Variants in PLG observed in about 807,000 individuals in gnomAD.
The protein encoded by PLG is plasminogen.
In PLG, 41 loss-of-function variants were observed where a neutral mutation model predicts 104.4. That is an observed-to-expected ratio of 0.39 (90% CI 0.31 to 0.51). The LOEUF is 0.51. Among genes scored for constraint, PLG ranks in the 20% least tolerant of loss-of-function variants. The pLI, the probability that PLG is intolerant of heterozygous loss-of-function variation, is 0.76. For missense variants in PLG, 891 were observed against 1,003.6 expected (o/e 0.89, Z 1.52); for synonymous variants, 337 against 357.1 (o/e 0.94, Z 0.63).
At position 160,718,377 on chromosome 6, in the gene PLG, G is replaced by A. The variant is rs564003153; in HGVS notation, c.871G>A (p.Val291Met). Residue 291 changes from valine to methionine, a missense_variant, in exon 8 of 19, where the codon GTG (valine) becomes ATG (methionine). Val to Met is a conservative substitution (Grantham distance 21, BLOSUM62 1). Transcript: ENST00000308192. ...CTATCGCGGGAATGTGGCTGTTACC[G>A]TGTCCGGGCACACCTGTCAGCACTG... is the stretch of plus-strand genomic sequence containing the variant. ...ENYRGNVAVTVSGHTCQHWSA... is the reference protein window; with the variant it reads ...ENYRGNVAVTMSGHTCQHWSA... The A allele has an allele frequency of 1.7e-4, 277 of 1,613,526 alleles. 4 individuals are homozygous for A. The South Asian group carries it at 2.9e-3, about 17-fold the overall frequency.
rs1336032030 is a variant in PLG at position 160,738,159 on chromosome 6, T to C, written c.1803-379T>C. Reference sequence around the variant, plus strand: ...GAAGAGTGATTCATCAGACCTTACATAGATCTTGTCATAAAAATGAAAGAG... The same window carrying C: ...GAAGAGTGATTCATCAGACCTTACACAGATCTTGTCATAAAAATGAAAGAG... On this transcript the variant is annotated intron_variant, in intron 14 of 18. Coordinates refer to ENST00000308192, the MANE Select transcript of PLG (RefSeq NM_000301.5). This position sits in a 1 kb window ranked among gnomAD's most constrained non-coding sequence, Gnocchi z 6.8. Among the ~76,000 whole-genome samples the C allele has an allele frequency of 1.3e-5, 2 of 152,306 alleles. No homozygotes were observed. Among genetic ancestry groups the C allele is most frequent in the South Asian group, 4.1e-4 (2 of 4,822 alleles).
At chr6:160,727,012 C>A (rs1777931010) in intron 10 of PLG, among the ~76,000 whole-genome samples, 1 of 151,742 alleles carries the variant, frequency 6.6e-6, no homozygotes, top group Non-Finnish European at 1.5e-5. Flanking sequence ...TTGAAAGATT[C>A]ATGTAATTGA....
At position 160,720,410 on chromosome 6, in the gene PLG, C is replaced by CTTTTTTTTTTTTTTTTTTTTTTT. The variant is rs3057066; in HGVS notation, c.1096+1577_1096+1599dup. Among the ~76,000 whole-genome samples, 10 of 58,522 alleles carry CTTTTTTTTTTTTTTTTTTTTTTT rather than the reference C, an allele frequency of 1.7e-4. 2 individuals are homozygous for CTTTTTTTTTTTTTTTTTTTTTTT. The highest frequency in any genetic ancestry group is 4.6e-4 in the African/African-American group (6 of 12,916). The allele number at this position is 58,522 out of a possible 152,430, so 38.4% of individuals were successfully genotyped here. On this transcript the variant is annotated intron_variant, in intron 9 of 18. Transcript: ENST00000308192. ...TCTTTTCTCTTTTTTCTTTTCTTTT[C>CTTTTTTTTTTTTTTTTTTTTTTT]TTTTTTTTTTTTTTTTTTTTTTTTT...
rs783185 is a variant in PLG at position 160,734,759 on chromosome 6, A to G, written c.1681+671A>G. On this transcript the variant is annotated intron_variant, in intron 13 of 18. Transcript: ENST00000308192. The surrounding 1 kb of genome is among the most constrained non-coding windows in gnomAD (Gnocchi z 4.4). ...TGGGTATTTCTGAAAAAAAAAAAAA[A>G]AAAAAGAAAGGAAGCTACTTGGAAT... Among the ~76,000 whole-genome samples the G allele has an allele frequency of 0.18, 27,324 of 151,204 alleles. 3,207 individuals carry two copies. Among genetic ancestry groups the G allele is most frequent in the East Asian group, 0.5 (2,536 of 5,114 alleles).
At position 160,713,018 on chromosome 6, in the gene PLG, T is replaced by G. The variant is rs770198253; in HGVS notation, c.440T>G (p.Leu147Arg). 1 of 1,608,006 alleles carries G rather than the reference T, an allele frequency of 6.2e-7. No individual in the cohort carries two copies. Among genetic ancestry groups the G allele is most frequent in the Non-Finnish European group, 8.5e-7 (1 of 1,176,216 alleles). ...FSPATHPSEG[L>R]EENYCRNPDN... Reference sequence around the variant, plus strand: ...CCTGCTACACACCCCTCAGAGGGACTGGAGGAGAACTACTGCAGGAATCCA... The same window carrying G: ...CCTGCTACACACCCCTCAGAGGGACGGGAGGAGAACTACTGCAGGAATCCA... Residue 147 changes from leucine (L) to arginine (R), a missense_variant, in exon 5 of 19, where the codon CTG becomes CGG. Around this residue, in one of 2 missense-constraint regions of PLG, gnomAD observed 854 missense variants for 932.1 expected, o/e 0.92. Transcript: ENST00000308192.
rs1206176828 is a variant in PLG at position 160,731,623 on chromosome 6, A to C, written c.1439-122A>C. On this transcript the variant is annotated intron_variant, in intron 11 of 18. Transcript: ENST00000308192. The surrounding 1 kb of genome is among the most constrained non-coding windows in gnomAD (Gnocchi z 5.1). Reference sequence around the variant, plus strand: ...CGTTCATTGCAGTCTTCAGCATTGCAGTTTCTGAGGAATGTGGCCCCTGAT... The same window carrying C: ...CGTTCATTGCAGTCTTCAGCATTGCCGTTTCTGAGGAATGTGGCCCCTGAT... 5.5e-6 allele frequency: 5 copies of C among 915,400 alleles called. No homozygotes were observed. The highest frequency in any genetic ancestry group is 4.8e-5 in the East Asian group (2 of 41,332). The allele number at this position is 915,400 out of a possible 1,614,324, so 56.7% of individuals were successfully genotyped here. A position where few individuals can be genotyped will look rare whatever the true frequency, so the allele number is the denominator to read the frequency against.
intron 4 of PLG, chr6:160,711,557 T>G: frequency 6.2e-7 from 1 of 1,605,074 alleles, no homozygotes; most frequent in Non-Finnish European, 8.5e-7. Flanking sequence ...CACTTTTAAT[T>G]CAAACCACAA....
chr6:160,738,623 G>A lies in PLG; in HGVS notation c.1877+11G>A. 1 of 1,552,786 alleles carries A rather than the reference G, an allele frequency of 6.4e-7. No homozygotes were observed. The highest frequency in any genetic ancestry group is 2.2e-5 in the East Asian group (1 of 44,584). On this transcript the variant is annotated intron_variant, in intron 15 of 18. Coordinates refer to ENST00000308192, the MANE Select transcript of PLG (RefSeq NM_000301.5). The surrounding 1 kb of genome is among the most constrained non-coding windows in gnomAD (Gnocchi z 6.8). ...CCACTGCTTGGAGAAGTATGTTTAG[G>A]GGACAATTGACATGAAGTCTTGTCT...
At position 160,744,389 on chromosome 6, in the gene PLG, A is replaced by G. The variant is rs1778245734; in HGVS notation, c.2125+2972A>G. On this transcript the variant is annotated intron_variant, in intron 17 of 18. Coordinates refer to ENST00000308192, the MANE Select transcript of PLG (RefSeq NM_000301.5). This position sits in a 1 kb window ranked among gnomAD's most constrained non-coding sequence, Gnocchi z 4.5. ...AATTTCTTCCTGGTTCAGTCTTGGGAGGGTGTATGTGTCCAGGAATTTATC... is the reference window on the plus strand; with the variant it reads ...AATTTCTTCCTGGTTCAGTCTTGGGGGGGTGTATGTGTCCAGGAATTTATC... Among the ~76,000 whole-genome samples, 1 of 152,022 alleles carries G rather than the reference A, an allele frequency of 6.6e-6. No individual in the cohort carries two copies. Among genetic ancestry groups the G allele is most frequent in the Non-Finnish European group, 1.5e-5 (1 of 67,998 alleles).
In PLG at chr6:160,713,093, G is replaced by T. The variant is rs749750806; in HGVS notation, c.515G>T (p.Arg172Ile). Residue 172 changes from arginine (R) to isoleucine (I), a missense_variant, in exon 5 of 19, where the codon AGA becomes ATA. By Grantham distance (97) the Arg-to-Ile change is moderately conservative. Transcript: ENST00000308192. ...PWCYTTDPEK[R>I]YDYCDILECE... is the part of the protein sequence containing the mutation. ...TGCTATACTACTGATCCAGAAAAGA[G>T]ATATGACTACTGCGACATTCTTGAG... 3 of 1,610,796 alleles carry T rather than the reference G, an allele frequency of 1.9e-6. No individual in the cohort carries two copies. Among genetic ancestry groups the T allele is most frequent in the Non-Finnish European group, 2.5e-6 (3 of 1,178,738 alleles).
chr6:160,729,766 T>C (rs747130930), intron 10 of PLG, among the ~76,000 whole-genome samples: 1 of 151,730 alleles, frequency 6.6e-6, no homozygotes, highest in Non-Finnish European at 1.5e-5. Context: ...TGACACAGGG[T>C]GTTTCTAGAG....
At chr6:160,707,209 G>A (rs4252071) in intron 2 of PLG, among the ~76,000 whole-genome samples, 2,649 of 152,130 alleles carry the variant, frequency 0.017, 75 homozygotes, top group African/African-American at 0.061. Context: ...TGTAGGTGAC[G>A]GGCTTGGGAA....
At chr6:160,718,142 C>T (rs1777772437) in intron 7 of PLG, 152 bp from the exon 8 acceptor site, 1 of 685,686 alleles carries the variant, frequency 1.5e-6, no homozygotes, top group East Asian at 2.9e-5. Flanking sequence ...GTCTGAGCTA[C>T]TCGGGAGGCT....
intron 17 of PLG, among the ~76,000 whole-genome samples, chr6:160,742,054 A>G (rs115888881): frequency 6.6e-4 from 100 of 152,276 alleles, no homozygotes; most frequent in African/African-American, 2.3e-3. Context: ...TCTTCATCCA[A>G]TGTGTCATTG....
rs2115173638 is a variant in PLG, at chr6:160,731,298, A to G, written c.1438+66A>G. On this transcript the variant is annotated intron_variant, in intron 11 of 18. Transcript: ENST00000308192. The surrounding 1 kb of genome is among the most constrained non-coding windows in gnomAD (Gnocchi z 5.1). ...GGGATGAAAAGCCATGGAAAATCTC[A>G]CTGATGCAGAAACCTTCCATGCTAC... The G allele has an allele frequency of 7.3e-7, 1 of 1,361,330 alleles. No homozygotes were observed. The allele number at this position is 1,361,330 out of a possible 1,614,324, so 84.3% of individuals were successfully genotyped here.
intron 4 of PLG, chr6:160,712,221 G>A (rs891139290): frequency 1.9e-5 from 3 of 157,176 alleles, no homozygotes; most frequent in African/African-American, 4.8e-5. Context: ...CGGGGGGTGG[G>A]GGTTATCCCA....
rs1345163357 is a variant in PLG, at chr6:160,724,824, C to T, written c.1256+2257C>T. Among the ~76,000 whole-genome samples the T allele has an allele frequency of 2.0e-5, 3 of 152,064 alleles. No individual in the cohort carries two copies. Among genetic ancestry groups the T allele is most frequent in the African/African-American group, 7.2e-5 (3 of 41,414 alleles). On this transcript the variant is annotated intron_variant, in intron 10 of 18. Coordinates refer to ENST00000308192, the MANE Select transcript of PLG (RefSeq NM_000301.5). The surrounding 1 kb of genome is among the most constrained non-coding windows in gnomAD (Gnocchi z 5.0). ...ACTAAGAGAATATTTCATTACTAGG[C>T]TTATATAATAAAAGATGTTCTAGAA... is the stretch of plus-strand genomic sequence containing the variant.
intron 3 of PLG, among the ~76,000 whole-genome samples, chr6:160,708,984 CCTGATTCT>C (rs1329823270): frequency 1.3e-5 from 2 of 151,386 alleles, no homozygotes; most frequent in Non-Finnish European, 2.9e-5. Flanking sequence ...AAAAAAAAAC[CCTGATTCT>C]CCTGATTCTC....
At position 160,722,518 on chromosome 6, in the gene PLG, T is replaced by C; in HGVS notation, c.1207T>C (p.Ser403Pro). Residue 403 changes from serine to proline, a missense_variant, in exon 10 of 19, where the codon TCT (serine) becomes CCT (proline). By Grantham distance (74) the Ser-to-Pro change is moderately conservative (BLOSUM62 -1). Coordinates refer to ENST00000308192, the MANE Select transcript of PLG (RefSeq NM_000301.5). Reference protein sequence around the residue: ...TTGKKCQSWSSMTPHRHQKTP... With the variant: ...TTGKKCQSWSPMTPHRHQKTP... ...AGGAAAGAAGTGTCAGTCTTGGTCA[T>C]CTATGACACCACACCGGCACCAGAA... 1 of 1,614,000 alleles carries C rather than the reference T, an allele frequency of 6.2e-7. No homozygotes were observed. The highest frequency in any genetic ancestry group is 8.5e-7 in the Non-Finnish European group (1 of 1,179,876).
Sources: allele counts gnomAD v4.1 joint callset (sites outside exome capture counted in the v4.1 genomes callset), GRCh38; gene constraint gnomAD v4.1.1; regional missense constraint gnomAD v4.1.1; non-coding constraint Gnocchi (gnomAD v3.1); transcripts MANE v1.5; gene names NCBI Gene and HGNC (gene_info 2026-07-23, HGNC 2026-07-21).